The following COMMD1 variants were observed in gnomAD, a reference collection of about 807,000 sequenced individuals.
COMMD1 encodes COMM domain-containing protein 1.
COMMD1 carries 10 observed loss-of-function variants against 17.2 expected under a neutral mutation model. The ratio of observed to expected loss-of-function variants is 0.58; its 90% confidence interval spans 0.36 to 0.99. The LOEUF (loss-of-function observed/expected upper bound fraction) is 0.99, where lower values mean the gene tolerates loss of function less well. COMMD1 is among the 50% of genes least tolerant of loss of function. COMMD1 has a pLI of 0.01. For missense variants in COMMD1, 270 were observed against 231.8 expected (o/e 1.17, Z -1.07); for synonymous variants, 97 against 91.6 (o/e 1.06, Z -0.34).
At chr2:61,961,348 A>G (rs1671339287) in intron 1 of COMMD1, among the ~76,000 whole-genome samples, 1 of 152,178 alleles carries the variant, frequency 6.6e-6, no homozygotes, top group Non-Finnish European at 1.5e-5. Context: ...AACTTTTTAA[A>G]TTGGGCAAGG....
chr2:61,905,545 C>T, upstream of COMMD1: 1 of 827,314 alleles, frequency 1.2e-6, no homozygotes. Flanking sequence ...GCTGCCAACT[C>T]TGACCCCTGG....
intron 2 of COMMD1, among the ~76,000 whole-genome samples, chr2:62,074,548 T>C (rs770042836): frequency 1.3e-5 from 2 of 152,226 alleles, no homozygotes; most frequent in Non-Finnish European, 2.9e-5. Flanking sequence ...TCAAATTCTG[T>C]ATTATACAAC....
At chr2:62,109,421 T>C (rs1199366575) in intron 2 of COMMD1, among the ~76,000 whole-genome samples, 1 of 152,216 alleles carries the variant, frequency 6.6e-6, no homozygotes, top group Non-Finnish European at 1.5e-5. Flanking sequence ...CTCTTCTCTT[T>C]TGAGTCTTCT....
chr2:62,061,215 T>C (rs1323637998), intron 2 of COMMD1, among the ~76,000 whole-genome samples: 1 of 152,240 alleles, frequency 6.6e-6, no homozygotes, highest in Non-Finnish European at 1.5e-5. Context: ...ACTGTTTCTT[T>C]TGAGTGTGTC....
At chr2:61,900,352 G>C (rs1324127653) in intron 1 of COMMD1, among the ~76,000 whole-genome samples, 1 of 152,210 alleles carries the variant, frequency 6.6e-6, no homozygotes, top group Non-Finnish European at 1.5e-5. Context: ...AAGTCATAAG[G>C]CTCTGTCTAA....
intron 1 of COMMD1, among the ~76,000 whole-genome samples, chr2:61,985,408 G>GT (rs1045517509): frequency 4.6e-5 from 7 of 152,200 alleles, no homozygotes; most frequent in African/African-American, 1.4e-4. Context: ...ATTGGATCTT[G>GT]TTTTTTTATC....
chr2:62,020,891 TAC>T (rs1669594820), intron 2 of COMMD1, among the ~76,000 whole-genome samples: 1 of 151,794 alleles, frequency 6.6e-6, no homozygotes, highest in Non-Finnish European at 1.5e-5. Context: ...TAATCCCAGC[TAC>T]TCAGGAGGCT....
At chr2:62,005,478 A>C (rs1271759874) in intron 2 of COMMD1, among the ~76,000 whole-genome samples, 1 of 152,236 alleles carries the variant, frequency 6.6e-6, no homozygotes, top group African/African-American at 2.4e-5. Context: ...CAGAATCTAC[A>C]ATGAACTCAA....
intron 1 of COMMD1, among the ~76,000 whole-genome samples, chr2:61,947,843 G>T (rs1670950042): frequency 6.6e-6 from 1 of 150,886 alleles, no homozygotes; most frequent in Non-Finnish European, 1.5e-5. Flanking sequence ...ATGCACCAGG[G>T]CCTGTCTTAT....
rs984589435 is a variant in COMMD1, at chr2:62,128,104, G to A, written c.463-7727G>A. ...GCACTTTGGGAGGCTGAGGCAGGTG[G>A]ATCATTTGAGATCAGAAATTCAAGA... On this transcript the variant is annotated intron_variant, in intron 2 of 2. Coordinates refer to ENST00000311832, the MANE Select transcript of COMMD1 (RefSeq NM_152516.4). 1.8e-4 allele frequency among the ~76,000 whole-genome samples: 28 copies of A among 151,486 alleles called. 1 individual carries two copies. The highest frequency in any genetic ancestry group is 1.1e-3 in the Admixed American group (17 of 15,206).
intron 2 of COMMD1, among the ~76,000 whole-genome samples, chr2:62,001,551 G>T (rs978867309): frequency 3.9e-5 from 6 of 152,054 alleles, no homozygotes; most frequent in African/African-American, 1.4e-4. Flanking sequence ...TGTCTATATG[G>T]TTTTTCTTGA....
intron 1 of COMMD1, among the ~76,000 whole-genome samples, chr2:61,892,504 C>A (rs1669456277): frequency 6.6e-6 from 1 of 151,860 alleles, no homozygotes; most frequent in African/African-American, 2.4e-5. Flanking sequence ...ACCATCCTGG[C>A]TAACACGGTG....
At chr2:62,089,378 CG>C (rs895399490) in intron 2 of COMMD1, among the ~76,000 whole-genome samples, 6 of 151,540 alleles carry the variant, frequency 4.0e-5, no homozygotes, top group Non-Finnish European at 7.4e-5. Flanking sequence ...CTAAGCCCCC[CG>C]GGTTCAAGTG....
intron 1 of COMMD1, among the ~76,000 whole-genome samples, chr2:61,943,986 C>T (rs1670838795): frequency 6.6e-6 from 1 of 152,218 alleles, no homozygotes; most frequent in Non-Finnish European, 1.5e-5. Context: ...ACTTGGCCCC[C>T]AGTCACCCAG....
At chr2:62,113,853 T>C (rs1056190129) in intron 2 of COMMD1, among the ~76,000 whole-genome samples, 1 of 152,252 alleles carries the variant, frequency 6.6e-6, no homozygotes, top group Admixed American at 6.5e-5. Flanking sequence ...GAAGTTTCAT[T>C]TTATATTTGT....
chr2:62,054,394 C>T (rs28862913), intron 2 of COMMD1, among the ~76,000 whole-genome samples: 75 of 152,252 alleles, frequency 4.9e-4, no homozygotes, highest in African/African-American at 1.8e-3. Context: ...TACCTCTACT[C>T]GTATGTTTAT....
chr2:62,105,217 C>T (rs1049747244), intron 2 of COMMD1, among the ~76,000 whole-genome samples: 17 of 151,522 alleles, frequency 1.1e-4, no homozygotes, highest in Admixed American at 1.1e-3. Flanking sequence ...ACAGAAAAAT[C>T]TCTTATTATG....
intron 2 of COMMD1, among the ~76,000 whole-genome samples, chr2:62,078,049 G>A (rs933987438): frequency 5.3e-5 from 8 of 151,988 alleles, no homozygotes; most frequent in Non-Finnish European, 1.0e-4. Context: ...GCCGAAGCAG[G>A]CGGATCACGA....
chr2:61,912,995 A>G (rs1292202710), intron 1 of COMMD1, among the ~76,000 whole-genome samples: 2 of 152,172 alleles, frequency 1.3e-5, no homozygotes, highest in Admixed American at 1.3e-4. Context: ...TCAAGGCTGT[A>G]GGGCAGCATG....
Sources: gnomAD v4.1 joint callset for allele counts (sites outside exome capture counted in the v4.1 genomes callset) on GRCh38, gnomAD v4.1.1 for gene constraint, MANE v1.5 for transcripts, NCBI Gene and HGNC (gene_info 2026-07-23, HGNC 2026-07-21) for gene names.